Variants in CHN1 observed in about 807,000 individuals in gnomAD.
CHN1 encodes N-chimaerin.
In CHN1, 37 loss-of-function variants were observed where a neutral mutation model predicts 59.5. The observed-to-expected ratio is 0.62, with a 90% CI of 0.48 to 0.82. CHN1 has a LOEUF of 0.82. Ranked by LOEUF, CHN1 falls within the 40% of genes least tolerant of loss-of-function variation. The pLI is 0.00. For synonymous variants in CHN1, 206 were observed against 200.4 expected, an observed-to-expected ratio of 1.03 and a Z score of -0.24; for missense variants, 469 against 571.0, an observed-to-expected ratio of 0.82 and a Z score of 1.82.
intron 7 of CHN1, among the ~76,000 whole-genome samples, chr2:174,827,502 G>C (rs978842296): frequency 6.6e-6 from 1 of 152,214 alleles, no homozygotes; most frequent in Non-Finnish European, 1.5e-5. Flanking sequence ...GAGTGGAAAC[G>C]ACTGGCCTGG....
intron 5 of CHN1, among the ~76,000 whole-genome samples, chr2:174,891,300 G>T (rs1197428746): frequency 6.6e-6 from 1 of 151,930 alleles, no homozygotes; most frequent in East Asian, 1.9e-4. Context: ...GGCCGGGAGC[G>T]GTGGCTCATG....
At chr2:174,997,657 T>C (rs1364647725) in intron 1 of CHN1, among the ~76,000 whole-genome samples, 1 of 152,236 alleles carries the variant, frequency 6.6e-6, no homozygotes, top group Non-Finnish European at 1.5e-5. Context: ...TAGCACCAAC[T>C]ACTTCAAAAC....
chr2:174,820,959 G>A (rs1685471569), intron 8 of CHN1, among the ~76,000 whole-genome samples: 1 of 152,066 alleles, frequency 6.6e-6, no homozygotes, highest in South Asian at 2.1e-4. Context: ...AAAGAAGGCA[G>A]AACAAAGCAA....
At chr2:174,889,070 T>A (rs1687973790) in intron 5 of CHN1, among the ~76,000 whole-genome samples, 1 of 152,146 alleles carries the variant, frequency 6.6e-6, no homozygotes, top group Non-Finnish European at 1.5e-5. Context: ...GCAAAACTAC[T>A]CACAGATACC....
intron 1 of CHN1, among the ~76,000 whole-genome samples, chr2:174,967,913 G>A (rs1690644234): frequency 6.6e-6 from 1 of 152,198 alleles, no homozygotes; most frequent in Non-Finnish European, 1.5e-5. Flanking sequence ...CCTTGGAACA[G>A]GAATCGATCA....
Position 174,801,776 on chromosome 2 carries a change from T to A in CHN1, c.1139A>T (p.His380Leu). The A allele has an allele frequency of 6.2e-7, 1 of 1,613,390 alleles. No individual in the cohort carries two copies. Among genetic ancestry groups the A allele is most frequent in the Non-Finnish European group, 8.5e-7 (1 of 1,179,410 alleles). ...AGGTGGCAGTAGTTTCAGTGCTTCATGAAGGGTTTCCAATTGCTCATCCGG... is the reference window on the plus strand; with the variant it reads ...AGGTGGCAGTAGTTTCAGTGCTTCAAGAAGGGTTTCCAATTGCTCATCCGG... The part of the protein sequence containing the change: ...MDPDEQLETL[H>L]EALKLLPPAH... The change falls in exon 12 of 13, where the codon CAT becomes CTT. Residue 380 changes from histidine (H) to leucine (L), a missense_variant. By Grantham distance (99) the His-to-Leu change is moderately conservative. Coordinates refer to ENST00000409900, the MANE Select transcript of CHN1 (RefSeq NM_001822.7).
chr2:174,872,571 C>T (rs1687442784), intron 6 of CHN1, among the ~76,000 whole-genome samples: 1 of 152,108 alleles, frequency 6.6e-6, no homozygotes, highest in Non-Finnish European at 1.5e-5. Context: ...CCTTAAAAGT[C>T]ATTAGAGAAT....
chr2:174,917,473 C>G (rs1351420971), intron 4 of CHN1, among the ~76,000 whole-genome samples: 1 of 151,408 alleles, frequency 6.6e-6, no homozygotes, highest in African/African-American at 2.4e-5. Context: ...GAAAATCAAA[C>G]TAAAGAAAAC....
Position 174,847,592 on chromosome 2 carries a change from T to C in CHN1, c.550-635A>G, listed in dbSNP as rs543431266. The C allele has an allele frequency of 3.8e-4, 492 of 1,309,242 alleles. 1 individual carries two copies. The African/African-American group carries it at 6.9e-3, about 18-fold the overall frequency. The allele number at this position is 1,309,242 out of a possible 1,614,324, so 81.1% of individuals were successfully genotyped here. The stretch of plus-strand genomic sequence containing the variant: ...AGCAACAGACACCCTATGAAGCCCC[T>C]AGCAGGGAAGGTGGGGGGAAGGGAG... On this transcript the variant is annotated intron_variant, in intron 6 of 12. Transcript: ENST00000409900.
At chr2:174,815,216 A>G (rs1395778463) in intron 8 of CHN1, among the ~76,000 whole-genome samples, 1 of 152,030 alleles carries the variant, frequency 6.6e-6, no homozygotes, top group African/African-American at 2.4e-5. Context: ...GCCTCTACAA[A>G]AATTTTTAAA....
intron 1 of CHN1, among the ~76,000 whole-genome samples, chr2:174,965,218 A>T (rs1307034200): frequency 1.3e-5 from 2 of 152,098 alleles, no homozygotes; most frequent in Non-Finnish European, 2.9e-5. Context: ...GTTCTCTCCA[A>T]TTAGATCCTA....
intron 1 of CHN1, among the ~76,000 whole-genome samples, chr2:174,961,162 G>C (rs1268191624): frequency 7.1e-6 from 1 of 140,666 alleles, no homozygotes; most frequent in Admixed American, 7.0e-5. Flanking sequence ...AGGGAGGCAG[G>C]GAGGGAAGGA....
In CHN1 at chr2:174,799,816, CG is replaced by C. The variant is rs1684656330; in HGVS notation, c.*299del. 5.4e-6 allele frequency: 3 copies of C among 554,464 alleles called. No individual in the cohort carries two copies. Among genetic ancestry groups the C allele is most frequent in the Non-Finnish European group, 1.0e-5 (3 of 290,648 alleles). 34.3% of individuals were successfully genotyped at this position (554,464 alleles called of 1,614,324 possible). A position where few individuals can be genotyped will look rare whatever the true frequency, so the allele number is the denominator to read the frequency against. ...ACCCAGGACGCAGAGGCGGTGCAGG[CG>C]CAGGTTTGTTGTTTCTTCTGTATGG... On this transcript the variant is annotated 3_prime_UTR_variant, in exon 13 of 13. Coordinates refer to ENST00000409900, the MANE Select transcript of CHN1 (RefSeq NM_001822.7).
intron 6 of CHN1, among the ~76,000 whole-genome samples, chr2:174,867,798 T>A (rs929703675): frequency 1.3e-5 from 2 of 152,192 alleles, no homozygotes; most frequent in African/African-American, 4.8e-5. Flanking sequence ...AAGTAGTTTA[T>A]ATAGAAGAAA....
At chr2:174,848,492 ATTAAG>A (rs1454012698) in intron 6 of CHN1, among the ~76,000 whole-genome samples, 2 of 152,314 alleles carry the variant, frequency 1.3e-5, no homozygotes, top group East Asian at 1.9e-4. Flanking sequence ...TGCTATAATA[ATTAAG>A]TTAAACCAAT....
intron 3 of CHN1, among the ~76,000 whole-genome samples, chr2:174,919,052 G>C (rs187060376): frequency 2.0e-5 from 3 of 152,180 alleles, no homozygotes; most frequent in Admixed American, 2.0e-4. Context: ...GTTGGCTATA[G>C]CTAAGAAAAG....
At chr2:174,952,531 A>T (rs1690054778) in intron 1 of CHN1, among the ~76,000 whole-genome samples, 1 of 152,174 alleles carries the variant, frequency 6.6e-6, no homozygotes, top group African/African-American at 2.4e-5. Flanking sequence ...CTTAATGATT[A>T]TTTCACTGAA....
At chr2:174,899,100 C>T (rs899797396) in intron 5 of CHN1, among the ~76,000 whole-genome samples, 1 of 152,134 alleles carries the variant, frequency 6.6e-6, no homozygotes, top group Admixed American at 6.5e-5. Context: ...GCCTTGTTAC[C>T]TTCTCAGTTC....
At chr2:174,896,618 T>C (rs1005555430) in intron 5 of CHN1, among the ~76,000 whole-genome samples, 1 of 152,146 alleles carries the variant, frequency 6.6e-6, no homozygotes, top group Non-Finnish European at 1.5e-5. Context: ...CACATCATGC[T>C]TTTACACAAT....
Sources: gnomAD v4.1 joint callset for allele counts (sites outside exome capture counted in the v4.1 genomes callset) on GRCh38, gnomAD v4.1.1 for gene constraint, MANE v1.5 for transcripts, NCBI Gene and HGNC (gene_info 2026-07-23, HGNC 2026-07-21) for gene names.